The following EVL variants were observed in gnomAD, a reference collection of about 807,000 sequenced individuals.
EVL encodes Enah/Vasp-like, also known as ena/VASP-like protein.
EVL carries 21 observed loss-of-function variants against 59.6 expected under a neutral mutation model. The observed-to-expected ratio is 0.35, with a 90% CI of 0.25 to 0.51. The LOEUF is 0.51. Among genes scored for constraint, EVL ranks in the 20% least tolerant of loss-of-function variants. The pLI, the probability that EVL is intolerant of heterozygous loss-of-function variation, is 0.97. For synonymous variants in EVL, 198 were observed against 203.5 expected (o/e 0.97, Z 0.23); for missense variants, 462 against 546.6 (o/e 0.85, Z 1.54).
At chr14:100,007,288 C>T (rs1331110051) in intron 1 of EVL, among the ~76,000 whole-genome samples, 1 of 151,992 alleles carries the variant, frequency 6.6e-6, no homozygotes, top group Admixed American at 6.6e-5. Flanking sequence ...AGGTGAGAGA[C>T]AAATGGTTGC....
chr14:99,996,585 A>T (rs149890862), intron 1 of EVL, among the ~76,000 whole-genome samples: 3 of 152,324 alleles, frequency 2.0e-5, no homozygotes, highest in South Asian at 2.1e-4. Flanking sequence ...ACCAGTTAAC[A>T]TACATTATCT....
At chr14:99,982,589 G>GA (rs992264302) in intron 1 of EVL, among the ~76,000 whole-genome samples, 21 of 152,152 alleles carry the variant, frequency 1.4e-4, no homozygotes, top group Admixed American at 6.5e-4. Flanking sequence ...AGAGCGGGGG[G>GA]AAAAAATACT....
chr14:100,079,860 C>T (rs972155436), intron 1 of EVL, among the ~76,000 whole-genome samples: 8 of 152,128 alleles, frequency 5.3e-5, no homozygotes, highest in Admixed American at 6.5e-5. Context: ...AGATTGACTT[C>T]GGGCTGTCAT....
chr14:100,103,290 G>A (rs1182703493), intron 3 of EVL, among the ~76,000 whole-genome samples: 1 of 151,280 alleles, frequency 6.6e-6, no homozygotes, highest in Non-Finnish European at 1.5e-5. Context: ...TATGCAAACA[G>A]TAGAAAGGCA....
Position 100,109,000 on chromosome 14 carries a change from G to A in EVL, c.358+11342G>A, listed in dbSNP as rs895508677. Among the ~76,000 whole-genome samples, 8 of 152,282 alleles carry A rather than the reference G, an allele frequency of 5.3e-5. No homozygotes were observed. The highest frequency in any genetic ancestry group is 7.3e-5 in the Non-Finnish European group (5 of 68,030). On this transcript the variant is annotated intron_variant, in intron 3 of 13. Coordinates refer to ENST00000392920, the MANE Select transcript of EVL (RefSeq NM_016337.3). This position sits in a 1 kb window ranked among gnomAD's most constrained non-coding sequence, Gnocchi z 4.1. ...AACACACCAGGACCCAGAGGCTGCC[G>A]TGCCTGGAGCCCTGTCTCCTGACTC... is the stretch of plus-strand genomic sequence containing the variant.
chr14:100,014,482 A>G (rs1028799066), intron 1 of EVL, among the ~76,000 whole-genome samples: 2 of 152,192 alleles, frequency 1.3e-5, no homozygotes, highest in Non-Finnish European at 2.9e-5. Context: ...TTATGGTTGA[A>G]TAGTACTCCA....
At chr14:100,059,010 T>G (rs1411453896) in intron 1 of EVL, among the ~76,000 whole-genome samples, 3 of 152,134 alleles carry the variant, frequency 2.0e-5, no homozygotes, top group Non-Finnish European at 2.9e-5. Flanking sequence ...AGAAAAGATG[T>G]TTACTCTTAG....
chr14:100,009,404 C>T (rs955049941), intron 1 of EVL, among the ~76,000 whole-genome samples: 3 of 152,242 alleles, frequency 2.0e-5, no homozygotes, highest in African/African-American at 7.2e-5. Context: ...ATGTAGTCTT[C>T]ATTTCTGAAG....
In EVL at chr14:100,065,478, C is replaced by T. The variant is rs772772919; in HGVS notation, c.-23C>T. On this transcript the variant is annotated 5_prime_UTR_variant, in exon 1 of 14. Transcript: ENST00000392920. ...GTACAGGACTCGCCTCCTCAGGGTT[C>T]CCTGTGCTGCCACTTTTCAGCCATG... is the stretch of plus-strand genomic sequence containing the variant. 3 of 1,506,858 alleles carry T rather than the reference C, an allele frequency of 2.0e-6. No individual in the cohort carries two copies. Among genetic ancestry groups the T allele is most frequent in the East Asian group, 5.0e-5 (2 of 40,254 alleles). 93.3% of individuals were successfully genotyped at this position (1,506,858 alleles called of 1,614,324 possible).
chr14:100,010,058 C>G lies in EVL; in HGVS notation c.5+38001C>G, dbSNP rs1291217299. ...TTATCAGACTTAAAAGGGTGCCTGG[C>G]TCTTAGTTGATTGTCTCCTGGATCT... On this transcript the variant is annotated intron_variant, in intron 1 of 13. Coordinates refer to the EVL transcript ENST00000402714. 3.3e-5 allele frequency among the ~76,000 whole-genome samples: 5 copies of G among 152,164 alleles called. No individual in the cohort carries two copies. The East Asian group carries it at 7.7e-4, about 24-fold the overall frequency.
chr14:99,991,544 T>C (rs1326012363), intron 1 of EVL, among the ~76,000 whole-genome samples: 1 of 152,196 alleles, frequency 6.6e-6, no homozygotes, highest in Non-Finnish European at 1.5e-5. Flanking sequence ...TTTTCAGCGA[T>C]TGAGAATTAC....
chr14:100,063,342 A>G (rs993767155), upstream of EVL, among the ~76,000 whole-genome samples: 1 of 152,194 alleles, frequency 6.6e-6, no homozygotes, highest in Non-Finnish European at 1.5e-5. Context: ...TGAGAAAGCA[A>G]TGCAGTCAGT....
At chr14:100,084,877 T>C in intron 2 of EVL, 22 bp downstream of exon 2, 1 of 1,612,766 alleles carries the variant, frequency 6.2e-7, no homozygotes, top group Non-Finnish European at 8.5e-7. Context: ...AATTACAGAT[T>C]ATACCCGTGA....
chr14:100,129,920 A>G (rs189105012), intron 7 of EVL, among the ~76,000 whole-genome samples: 23 of 152,386 alleles, frequency 1.5e-4, no homozygotes, highest in African/African-American at 5.5e-4. Context: ...TATTTCCTGA[A>G]GCATCTACCA....
chr14:99,992,906 T>A (rs2060884780), intron 1 of EVL, among the ~76,000 whole-genome samples: 1 of 152,178 alleles, frequency 6.6e-6, no homozygotes, highest in Non-Finnish European at 1.5e-5. Context: ...TGTTTTGTTA[T>A]CATGAAAGGG....
chr14:100,096,366 G>C (rs1442744981), intron 2 of EVL, among the ~76,000 whole-genome samples: 1 of 152,126 alleles, frequency 6.6e-6, no homozygotes, highest in Non-Finnish European at 1.5e-5. Context: ...TGGCTCTCCG[G>C]CCTCATCCAG....
At chr14:100,061,403 C>CAAAAA (rs56656380), upstream of EVL, among the ~76,000 whole-genome samples, 124 of 19,102 alleles carry the variant, frequency 6.5e-3, 5 homozygotes, top group Non-Finnish European at 7.4e-3. Flanking sequence ...GACCCTGTCT[C>CAAAAA]AAAAAAAAAA....
chr14:100,143,200 G>A (rs1889299551), intron 13 of EVL, among the ~76,000 whole-genome samples: 1 of 152,098 alleles, frequency 6.6e-6, no homozygotes, highest in Non-Finnish European at 1.5e-5. Context: ...TGCCTCTCCT[G>A]AGGAGTGAGC....
chr14:100,121,545 T>C (rs551381363), intron 3 of EVL, among the ~76,000 whole-genome samples: 1 of 152,354 alleles, frequency 6.6e-6, no homozygotes, highest in Admixed American at 6.5e-5. Flanking sequence ...AATCAAGTGT[T>C]ATCCTTTCCT....
Sources: allele counts gnomAD v4.1 joint callset (sites outside exome capture counted in the v4.1 genomes callset), GRCh38; gene constraint gnomAD v4.1.1; non-coding constraint Gnocchi (gnomAD v3.1); transcripts MANE v1.5; gene names NCBI Gene and HGNC (gene_info 2026-07-23, HGNC 2026-07-21).